The following USH2A variants were observed in gnomAD, a reference collection of about 807,000 sequenced individuals.
USH2A encodes Usher syndrome 2A (autosomal recessive, mild).
In USH2A, 443 loss-of-function variants were observed where a neutral mutation model predicts 538.9. That is an observed-to-expected ratio of 0.82 (90% CI 0.76 to 0.89). USH2A has a LOEUF of 0.89. Ranked by LOEUF, USH2A falls within the 40% of genes least tolerant of loss-of-function variation. USH2A has a pLI of 0.00. For missense variants in USH2A, 6,633 were observed against 6,324.8 expected (o/e 1.05, Z -1.65); for synonymous variants, 2,413 against 2,273.5 (o/e 1.06, Z -1.75).
chr1:216,321,764 A>T, intron 9 of USH2A, 119 bp downstream of exon 9: 1 of 859,238 alleles, frequency 1.2e-6, no homozygotes, highest in South Asian at 1.5e-5. Context: ...TGACATTTTA[A>T]GTTCATATCA....
In USH2A at chr1:215,879,104, A is replaced by C. The variant is rs1664846600; in HGVS notation, c.8224-6T>G. On this transcript the variant is annotated splice_polypyrimidine_tract_variant and splice_region_variant and intron_variant, in intron 41 of 71. Coordinates refer to ENST00000307340, the MANE Select transcript of USH2A (RefSeq NM_206933.4). ...AGTGGGGGTTTCCAAGTGACCTGAA[A>C]TGAAAGATAAACTTAGAATCAGTGT... The C allele has an allele frequency of 6.2e-7, 1 of 1,610,614 alleles. No individual in the cohort carries two copies. Among genetic ancestry groups the C allele is most frequent in the Non-Finnish European group, 8.5e-7 (1 of 1,177,058 alleles).
chr1:215,901,115 A>G, intron 38 of USH2A: 1 of 626,308 alleles, frequency 1.6e-6, no homozygotes, highest in Non-Finnish European at 2.8e-6. Context: ...TTCAGTCTTA[A>G]AAGCCGGCCC....
intron 21 of USH2A, among the ~76,000 whole-genome samples, chr1:216,156,746 C>T (rs1258055227): frequency 1.3e-5 from 2 of 151,306 alleles, no homozygotes; most frequent in East Asian, 4.0e-4. Context: ...AACAGACAGC[C>T]TACAGAATAT....
intron 55 of USH2A, among the ~76,000 whole-genome samples, chr1:215,773,984 A>G (rs1052918894): frequency 4.4e-4 from 67 of 152,184 alleles, no homozygotes; most frequent in Non-Finnish European, 1.8e-4. Context: ...TTCACATGCT[A>G]AAGCCATCTT....
intron 37 of USH2A, among the ~76,000 whole-genome samples, chr1:215,952,600 G>T (rs2102442411): frequency 2.0e-5 from 3 of 152,248 alleles, no homozygotes. Context: ...CTCAGCATTT[G>T]CTTGTCTGTA....
chr1:215,937,714 T>C lies in USH2A; in HGVS notation c.7121-2919A>G, dbSNP rs182782392. ...AGCAGATATTCAATTGACTCTCAAGTAGCGTAACTGTGCAGGTCTTATAAA... is the reference window on the plus strand; with the variant it reads ...AGCAGATATTCAATTGACTCTCAAGCAGCGTAACTGTGCAGGTCTTATAAA... On this transcript the variant is annotated intron_variant, in intron 37 of 71. Coordinates refer to ENST00000307340, the MANE Select transcript of USH2A (RefSeq NM_206933.4). 3.3e-5 allele frequency among the ~76,000 whole-genome samples: 5 copies of C among 152,256 alleles called. No homozygotes were observed. In the East Asian group the frequency reaches 7.7e-4, roughly 24 times the overall value.
chr1:215,776,444 C>G (rs1054009173), intron 55 of USH2A, among the ~76,000 whole-genome samples: 20 of 152,158 alleles, frequency 1.3e-4, no homozygotes, highest in African/African-American at 4.6e-4. Context: ...GCATTCGCCA[C>G]TATTCCCACA....
chr1:215,642,028 T>C (rs1414864720), intron 67 of USH2A, among the ~76,000 whole-genome samples: 1 of 152,200 alleles, frequency 6.6e-6, no homozygotes, highest in Admixed American at 6.5e-5. Context: ...TTTCACTTTT[T>C]CCCTATATCA....
chr1:216,214,368 T>C (rs1046431584), intron 15 of USH2A, among the ~76,000 whole-genome samples: 24 of 152,040 alleles, frequency 1.6e-4, no homozygotes, highest in African/African-American at 5.8e-4. Context: ...AAGAATCTAC[T>C]GAGACATGCA....
chr1:216,267,049 G>A (rs1257440573), intron 11 of USH2A, among the ~76,000 whole-genome samples: 2 of 151,966 alleles, frequency 1.3e-5, no homozygotes, highest in South Asian at 2.1e-4. Flanking sequence ...CACCAAGGGC[G>A]TGAGCGTAGA....
chr1:215,710,130 T>C (rs2102697507), intron 61 of USH2A, among the ~76,000 whole-genome samples: 1 of 152,346 alleles, frequency 6.6e-6, no homozygotes, highest in Admixed American at 6.5e-5. Flanking sequence ...TGTTCAGTTA[T>C]CACAGTGACT....
At chr1:216,281,522 A>C (rs2036775447) in intron 11 of USH2A, among the ~76,000 whole-genome samples, 1 of 152,132 alleles carries the variant, frequency 6.6e-6, no homozygotes, top group South Asian at 2.1e-4. Context: ...CTAATTTCTG[A>C]GACTTGAGCA....
At chr1:215,951,207 C>T (rs1666904369) in intron 37 of USH2A, among the ~76,000 whole-genome samples, 1 of 152,120 alleles carries the variant, frequency 6.6e-6, no homozygotes, top group South Asian at 2.1e-4. Flanking sequence ...ATAAATTTCC[C>T]TTTACACACT....
intron 68 of USH2A, 50 bp downstream of exon 68, chr1:215,640,508 C>G (rs1393817011): frequency 1.2e-6 from 2 of 1,610,620 alleles, no homozygotes; most frequent in East Asian, 2.2e-5. Context: ...TCCCGTAAAG[C>G]TGGGGAACAG....
intron 22 of USH2A, among the ~76,000 whole-genome samples, chr1:216,090,663 T>C (rs1457450245): frequency 6.6e-6 from 1 of 152,148 alleles, no homozygotes; most frequent in African/African-American, 2.4e-5. Context: ...CAAACACACA[T>C]TTCATTATCG....
intron 14 of USH2A, among the ~76,000 whole-genome samples, chr1:216,218,107 A>C (rs1558323976): frequency 1.3e-5 from 2 of 152,124 alleles, no homozygotes; most frequent in Non-Finnish European, 2.9e-5. Flanking sequence ...TGATGCCTTA[A>C]TATGGGTTAT....
At chr1:216,252,858 A>C (rs1455412719) in intron 11 of USH2A, among the ~76,000 whole-genome samples, 1 of 152,194 alleles carries the variant, frequency 6.6e-6, no homozygotes. Context: ...TATGTGTAAC[A>C]TATAGGCATA....
intron 38 of USH2A, among the ~76,000 whole-genome samples, chr1:215,914,596 C>G (rs947906507): frequency 1.4e-4 from 21 of 152,090 alleles, no homozygotes; most frequent in Non-Finnish European, 2.2e-4. Context: ...AAGAGCAACC[C>G]TTTCTCCCCC....
rs751811618 is a variant in USH2A at position 215,625,810 on chromosome 1, G to A, written c.15580C>T (p.Arg5194Cys). The A allele has an allele frequency of 1.8e-5, 29 of 1,613,904 alleles. No individual in the cohort carries two copies. The South Asian group carries it at 1.9e-4, about 10-fold the overall frequency. The change falls in exon 72 of 72, where the codon CGC becomes TGC. Residue 5194 changes from arginine (R) to cysteine (C), a missense_variant. Coordinates refer to ENST00000307340, the MANE Select transcript of USH2A (RefSeq NM_206933.4). ...AGGTGGGTGTCTGTGAATGTGGTGCGTTCCTTAGTCACTGAGCTGAAATCC... is the reference window on the plus strand; with the variant it reads ...AGGTGGGTGTCTGTGAATGTGGTGCATTCCTTAGTCACTGAGCTGAAATCC... ...IKDFSSVTKE[R>C]TTFTDTHL
Sources: gnomAD v4.1 joint callset for allele counts (sites outside exome capture counted in the v4.1 genomes callset) on GRCh38, gnomAD v4.1.1 for gene constraint, MANE v1.5 for transcripts, NCBI Gene and HGNC (gene_info 2026-07-23, HGNC 2026-07-21) for gene names.